Variants in SLC24A3 observed in about 807,000 individuals in gnomAD.
SLC24A3 encodes solute carrier family 24 member 3, also known as sodium/potassium/calcium exchanger 3.
Under a neutral mutation model 75.8 loss-of-function variants are expected in SLC24A3, and 28 were observed. That is an observed-to-expected ratio of 0.37 (90% CI 0.27 to 0.51). The LOEUF (loss-of-function observed/expected upper bound fraction) is 0.51, where lower values mean the gene tolerates loss of function less well. Ranked by LOEUF, SLC24A3 falls within the 20% of genes least tolerant of loss-of-function variation. The pLI is 0.94. For synonymous variants in SLC24A3, 372 were observed against 334.1 expected (o/e 1.11, Z -1.24); for missense variants, 663 against 847.8 (o/e 0.78, Z 2.71).
chr20:19,347,164 A>G (rs1400849951), intron 2 of SLC24A3, among the ~76,000 whole-genome samples: 1 of 152,248 alleles, frequency 6.6e-6, no homozygotes, highest in African/African-American at 2.4e-5. Flanking sequence ...TTTGGAAAAG[A>G]TAAAACTGTA....
chr20:19,678,716 G>A (rs1401991249), intron 9 of SLC24A3, among the ~76,000 whole-genome samples: 2 of 150,128 alleles, frequency 1.3e-5, no homozygotes, highest in East Asian at 4.0e-4. Context: ...CGGGGTGGCT[G>A]CCGGGCGGAG....
intron 2 of SLC24A3, among the ~76,000 whole-genome samples, chr20:19,482,249 G>A (rs1988067796): frequency 6.6e-6 from 1 of 152,138 alleles, no homozygotes; most frequent in South Asian, 2.1e-4. Flanking sequence ...GGCACCCTCT[G>A]CACCTCACCT....
chr20:19,567,206 A>G (rs1003781709), intron 3 of SLC24A3, among the ~76,000 whole-genome samples: 3 of 152,344 alleles, frequency 2.0e-5, no homozygotes, highest in Admixed American at 6.5e-5. Flanking sequence ...AAAAGAATAT[A>G]AATCGTTCTA....
At chr20:19,567,437 C>T (rs184994187) in intron 3 of SLC24A3, among the ~76,000 whole-genome samples, 95 of 152,214 alleles carry the variant, frequency 6.2e-4, no homozygotes, top group African/African-American at 2.2e-3. Context: ...TTCTCACTTA[C>T]AAGTGGGAGT....
intron 15 of SLC24A3, among the ~76,000 whole-genome samples, chr20:19,709,029 GA>G (rs1356258082): frequency 2.0e-5 from 3 of 152,100 alleles, no homozygotes; most frequent in Admixed American, 1.3e-4. Context: ...TGAGAGTGGA[GA>G]GGAAGAAGGA....
chr20:19,537,285 A>G (rs879404325), intron 3 of SLC24A3, among the ~76,000 whole-genome samples: 1 of 152,270 alleles, frequency 6.6e-6, no homozygotes, highest in South Asian at 2.1e-4. Flanking sequence ...AATGCTCATC[A>G]TCACCGGCCA....
intron 2 of SLC24A3, among the ~76,000 whole-genome samples, chr20:19,493,163 G>A (rs1337893031): frequency 1.3e-5 from 2 of 152,202 alleles, no homozygotes; most frequent in Non-Finnish European, 2.9e-5. Flanking sequence ...GCTGGATGGG[G>A]AAGCATCACA....
chr20:19,611,919 C>A (rs999672845), intron 6 of SLC24A3, among the ~76,000 whole-genome samples: 2 of 152,198 alleles, frequency 1.3e-5, no homozygotes, highest in Non-Finnish European at 2.9e-5. Context: ...AGCCTCCAGG[C>A]TCCCCGTTGC....
At chr20:19,497,299 G>A (rs755404048) in intron 2 of SLC24A3, among the ~76,000 whole-genome samples, 1 of 152,174 alleles carries the variant, frequency 6.6e-6, no homozygotes, top group Non-Finnish European at 1.5e-5. Flanking sequence ...GGTAGAAGGG[G>A]CTAGGACCGT....
chr20:19,361,382 G>A (rs1985785595), intron 2 of SLC24A3, among the ~76,000 whole-genome samples: 2 of 152,112 alleles, frequency 1.3e-5, no homozygotes, highest in South Asian at 4.1e-4. Flanking sequence ...GATAAAATGA[G>A]GCTACAGATT....
At chr20:19,548,050 G>A (rs973324482) in intron 3 of SLC24A3, among the ~76,000 whole-genome samples, 2 of 152,136 alleles carry the variant, frequency 1.3e-5, no homozygotes, top group Non-Finnish European at 2.9e-5. Context: ...AATTAACATG[G>A]TCTTCTCAGT....
intron 3 of SLC24A3, among the ~76,000 whole-genome samples, chr20:19,531,128 G>A (rs963810390): frequency 6.6e-6 from 1 of 150,862 alleles, no homozygotes; most frequent in African/African-American, 2.5e-5. Context: ...TGGGAGTTGA[G>A]CAGAAAGGCC....
In SLC24A3 at chr20:19,580,548, G is replaced by A. The variant is rs550686196; in HGVS notation, c.423+474G>A. ...GTATATGTACAGAAATGCTCCAAGC[G>A]GAAGCACTGAGATGAAAGAATTGGC... On this transcript the variant is annotated intron_variant, in intron 4 of 16. Transcript: ENST00000328041. Among the ~76,000 whole-genome samples, 8 of 152,054 alleles carry A rather than the reference G, an allele frequency of 5.3e-5. No homozygotes were observed. The South Asian group carries it at 1.5e-3, about 28-fold the overall frequency.
chr20:19,557,561 C>T (rs982362257), intron 3 of SLC24A3, among the ~76,000 whole-genome samples: 3 of 152,148 alleles, frequency 2.0e-5, no homozygotes, highest in Non-Finnish European at 4.4e-5. Flanking sequence ...TCCCATAAGC[C>T]GTCTGCAGAC....
chr20:19,629,635 G>A (rs2122685076), intron 6 of SLC24A3, among the ~76,000 whole-genome samples: 1 of 152,266 alleles, frequency 6.6e-6, no homozygotes, highest in Non-Finnish European at 1.5e-5. Context: ...GTAAAGACAT[G>A]AATCTTGAAA....
At chr20:19,598,725 T>G (rs986438128) in intron 6 of SLC24A3, among the ~76,000 whole-genome samples, 1 of 152,168 alleles carries the variant, frequency 6.6e-6, no homozygotes, top group Non-Finnish European at 1.5e-5. Context: ...ATTAAACCCC[T>G]GCCCTTCGTC....
intron 2 of SLC24A3, among the ~76,000 whole-genome samples, chr20:19,476,494 A>G (rs947380916): frequency 2.6e-5 from 4 of 152,214 alleles, no homozygotes; most frequent in African/African-American, 9.6e-5. Flanking sequence ...CCATGAAAGG[A>G]AAATTTGCTA....
intron 2 of SLC24A3, among the ~76,000 whole-genome samples, chr20:19,358,561 T>C (rs735492): frequency 0.53 from 80,939 of 152,058 alleles, 22,955 homozygotes; most frequent in African/African-American, 0.73. Flanking sequence ...TGTCCAGTGA[T>C]ACTTAAGAAA....
intron 1 of SLC24A3, among the ~76,000 whole-genome samples, chr20:19,252,817 C>T (rs1380921358): frequency 6.6e-6 from 1 of 152,170 alleles, no homozygotes; most frequent in East Asian, 1.9e-4. Context: ...CCAGTGAAGC[C>T]TCCAGTATGG....
Sources: gnomAD v4.1 joint callset for allele counts (sites outside exome capture counted in the v4.1 genomes callset) on GRCh38, gnomAD v4.1.1 for gene constraint, MANE v1.5 for transcripts, NCBI Gene and HGNC (gene_info 2026-07-23, HGNC 2026-07-21) for gene names.